Variants in ROPN1L observed in about 807,000 individuals in gnomAD.
ROPN1L encodes rhophilin associated tail protein 1 like, also known as ropporin-1-like protein.
In ROPN1L, 23 loss-of-function variants were observed where a neutral mutation model predicts 22.7. The observed-to-expected ratio is 1.01, with a 90% CI of 0.73 to 1.43. ROPN1L has a LOEUF of 1.43. Ranked by LOEUF, ROPN1L falls within the 40% of genes most tolerant of loss-of-function variation. The pLI, the probability that ROPN1L is intolerant of heterozygous loss-of-function variation, is 0.00. For missense variants in ROPN1L, 271 were observed against 291.5 expected (o/e 0.93, Z 0.51); for synonymous variants, 116 against 117.8 (o/e 0.98, Z 0.10).
At position 10,461,232 on chromosome 5, in the gene ROPN1L, C is replaced by A. The variant is rs536955051; in HGVS notation, c.466C>A (p.Pro156Thr). 1.6e-4 allele frequency: 257 copies of A among 1,614,172 alleles called. 3 individuals carry two copies. The South Asian group carries it at 2.5e-3, about 16-fold the overall frequency. The change falls in exon 4 of 5, where the codon CCG (proline) becomes ACG (threonine). Residue 156 changes from proline to threonine, a missense_variant. Coordinates refer to ENST00000274134, the MANE Select transcript of ROPN1L (RefSeq NM_031916.5). ...KHLCEILTDDPEGGPARIPFK... is the reference protein window; with the variant it reads ...KHLCEILTDDTEGGPARIPFK... ...CCTGTGCGAGATCCTCACGGACGAT[C>A]CGGAGGGCGGGCCCGCTCGCATCCC... is the stretch of plus-strand genomic sequence containing the variant.
the ROPN1L span, among the ~76,000 whole-genome samples, chr5:10,481,613 G>T: frequency 6.6e-6 from 1 of 152,124 alleles, no homozygotes; most frequent in Non-Finnish European, 1.5e-5. Context: ...GCATCAGAAT[G>T]CAGAGAATGG....
intron 2 of ROPN1L, among the ~76,000 whole-genome samples, chr5:10,448,725 C>A (rs954620946): frequency 6.6e-6 from 1 of 152,188 alleles, no homozygotes; most frequent in African/African-American, 2.4e-5. Flanking sequence ...GTTTCCAGTC[C>A]GTTCTCCAGG....
downstream of ROPN1L, among the ~76,000 whole-genome samples, chr5:10,476,303 T>C (rs1238533220): frequency 6.6e-6 from 1 of 152,218 alleles, no homozygotes; most frequent in Non-Finnish European, 1.5e-5. Flanking sequence ...CCAGACCATT[T>C]AGGTAAAGAA....
intron 1 of ROPN1L, among the ~76,000 whole-genome samples, chr5:10,446,466 C>T (rs747559394): frequency 6.6e-6 from 1 of 152,096 alleles, no homozygotes; most frequent in South Asian, 2.1e-4. Flanking sequence ...TGAGACCACC[C>T]TGGGGGCAAC....
At chr5:10,447,787 G>A (rs145295577) in intron 1 of ROPN1L, among the ~76,000 whole-genome samples, 2,037 of 152,272 alleles carry the variant, frequency 0.013, 49 homozygotes, top group African/African-American at 0.045. Flanking sequence ...AGGCTGAGGC[G>A]GGAGGATCCC....
downstream of ROPN1L, among the ~76,000 whole-genome samples, chr5:10,466,513 T>G (rs1239163861): frequency 6.6e-6 from 1 of 152,174 alleles, no homozygotes; most frequent in Non-Finnish European, 1.5e-5. Context: ...AATATCACCG[T>G]AAATAAACTC....
chr5:10,477,933 A>AAAG, the ROPN1L span: 2 of 152,248 alleles, frequency 1.3e-5, no homozygotes, highest in African/African-American at 4.8e-5. Context: ...CTGTCTAAAA[A>AAAG]AAGAAAAAAA....
intron 3 of ROPN1L, among the ~76,000 whole-genome samples, chr5:10,454,908 G>A (rs1466450015): frequency 6.6e-6 from 1 of 152,222 alleles, no homozygotes; most frequent in African/African-American, 2.4e-5. Context: ...AGTGGGGAGA[G>A]GGGAGGATTC....
At chr5:10,465,440 G>A (rs1735136392), downstream of ROPN1L, among the ~76,000 whole-genome samples, 1 of 152,082 alleles carries the variant, frequency 6.6e-6, no homozygotes, top group African/African-American at 2.4e-5. Flanking sequence ...GTGTGAACCT[G>A]GGAGGCAGAG....
chr5:10,464,223 G>A (rs1735106529), intron 4 of ROPN1L, among the ~76,000 whole-genome samples: 1 of 152,016 alleles, frequency 6.6e-6, no homozygotes, highest in Non-Finnish European at 1.5e-5. Flanking sequence ...GTCATCCACT[G>A]TCACTCCAAC....
At chr5:10,449,837 T>G in intron 2 of ROPN1L, 115 bp from the exon 3 acceptor site, 3 of 793,068 alleles carry the variant, frequency 3.8e-6, no homozygotes, top group Non-Finnish European at 5.8e-6. Context: ...GCATTTGGAG[T>G]TCATCTGTCC....
the ROPN1L span, among the ~76,000 whole-genome samples, chr5:10,480,792 C>T: frequency 6.6e-6 from 1 of 152,126 alleles, no homozygotes; most frequent in South Asian, 2.1e-4. Context: ...AGAGGATCTG[C>T]TTGAGAACTC....
intron 4 of ROPN1L, among the ~76,000 whole-genome samples, chr5:10,470,351 C>A (rs746889518): frequency 3.3e-5 from 5 of 152,192 alleles, no homozygotes; most frequent in Non-Finnish European, 5.9e-5. Context: ...TAGGATTAAC[C>A]CCCTTTAGAG....
At chr5:10,478,921 G>A in the ROPN1L span, among the ~76,000 whole-genome samples, 1 of 152,164 alleles carries the variant, frequency 6.6e-6, no homozygotes, top group African/African-American at 2.4e-5. Context: ...AATATATAGG[G>A]TGTTGTAAAG....
chr5:10,446,153 G>A (rs918478714), intron 1 of ROPN1L, among the ~76,000 whole-genome samples: 5 of 152,180 alleles, frequency 3.3e-5, no homozygotes, highest in Non-Finnish European at 5.9e-5. Context: ...AAGTAATAGA[G>A]GCTGCTTTGG....
downstream of ROPN1L, among the ~76,000 whole-genome samples, chr5:10,468,034 A>G (rs1735183550): frequency 6.6e-6 from 1 of 152,132 alleles, no homozygotes; most frequent in African/African-American, 2.4e-5. Context: ...GATCACCCAC[A>G]CATCGGAGTC....
At chr5:10,472,261 AT>A (rs1282991189), downstream of ROPN1L, among the ~76,000 whole-genome samples, 1 of 151,488 alleles carries the variant, frequency 6.6e-6, no homozygotes. Context: ...CCCATCAACC[AT>A]GCATTTATTA....
chr5:10,447,733 T>C (rs1354610826), intron 1 of ROPN1L, among the ~76,000 whole-genome samples: 1 of 152,052 alleles, frequency 6.6e-6, no homozygotes, highest in Non-Finnish European at 1.5e-5. Flanking sequence ...TTAAAAAGAT[T>C]AGCCAGGTGT....
chr5:10,448,283 G>C lies in ROPN1L; in HGVS notation c.155G>C (p.Gly52Ala), dbSNP rs375461849. 9.9e-6 allele frequency: 16 copies of C among 1,614,046 alleles called. No individual in the cohort carries two copies. The Middle Eastern group carries it at 4.9e-4, about 50-fold the overall frequency. Residue 52 changes from glycine to alanine, a missense_variant, in exon 2 of 5, where the codon GGA (glycine) becomes GCA (alanine). Transcript: ENST00000274134. ...SAGYFSALSR[G>A]DPLPVKDRME... ...AGCTATTTTTCAGCTCTGTCGAGAG[G>C]AGATCCACTTCCTGTAAAGGACAGA...
Sources: allele counts gnomAD v4.1 joint callset (sites outside exome capture counted in the v4.1 genomes callset), GRCh38; gene constraint gnomAD v4.1.1; transcripts MANE v1.5; gene names NCBI Gene and HGNC (gene_info 2026-07-23, HGNC 2026-07-21).